The following HOXB3 variants were observed in gnomAD, a reference collection of about 807,000 sequenced individuals.
HOXB3 encodes homeobox B3.
HOXB3 carries 17 observed loss-of-function variants against 29.2 expected under a neutral mutation model. That is an observed-to-expected ratio of 0.58 (90% CI 0.40 to 0.87). HOXB3 has a LOEUF of 0.87. Among genes scored for constraint, HOXB3 ranks in the 40% least tolerant of loss-of-function variants. HOXB3 has a pLI of 0.00. For synonymous variants in HOXB3, 317 were observed against 285.9 expected (o/e 1.11, Z -1.10); for missense variants, 637 against 616.3 (o/e 1.03, Z -0.35).
At chr17:48,555,976 G>GAC (rs906784807) in intron 2 of HOXB3, among the ~76,000 whole-genome samples, 123 of 151,348 alleles carry the variant, frequency 8.1e-4, no homozygotes, top group African/African-American at 2.7e-3. Context: ...AAACCACACA[G>GAC]ACACACACAC....
intron 2 of HOXB3, among the ~76,000 whole-genome samples, chr17:48,567,186 T>C (rs1438400283): frequency 6.6e-6 from 1 of 152,184 alleles, no homozygotes; most frequent in Non-Finnish European, 1.5e-5. Context: ...GAGAATCCCT[T>C]GTTAACATGG....
intron 1 of HOXB3, among the ~76,000 whole-genome samples, chr17:48,589,799 A>G (rs1191884083): frequency 1.3e-5 from 2 of 152,068 alleles, no homozygotes; most frequent in Non-Finnish European, 2.9e-5. Flanking sequence ...GCCCCCACCA[A>G]TGGCCCCTTC....
Position 48,576,751 on chromosome 17 carries a change from G to A in HOXB3, c.-424-2737C>T, listed in dbSNP as rs767904414. 5.7e-6 allele frequency: 9 copies of A among 1,590,202 alleles called. No individual in the cohort carries two copies. Among genetic ancestry groups the A allele is most frequent in the Admixed American group, 1.7e-5 (1 of 59,098 alleles). On this transcript the variant is annotated intron_variant, in intron 1 of 4. Transcript: ENST00000498678. The stretch of plus-strand genomic sequence containing the variant: ...AGCGCGCGGGGGCCTCCATTGGGCC[G>A]GCCAGGGGGCCCTCCGGCTGAGCCT...
intron 2 of HOXB3, among the ~76,000 whole-genome samples, chr17:48,564,883 C>T (rs2069337120): frequency 1.3e-5 from 2 of 152,176 alleles, no homozygotes; most frequent in South Asian, 2.1e-4. Flanking sequence ...TTTGCATCTC[C>T]CCTTTTCCCT....
intron 2 of HOXB3, among the ~76,000 whole-genome samples, chr17:48,563,661 T>C (rs1360425681): frequency 6.6e-6 from 1 of 152,180 alleles, no homozygotes; most frequent in Non-Finnish European, 1.5e-5. Flanking sequence ...TGGTTTTTGG[T>C]TTCCAGAGCA....
At chr17:48,572,672 A>T (rs1048664343) in intron 2 of HOXB3, among the ~76,000 whole-genome samples, 1 of 152,116 alleles carries the variant, frequency 6.6e-6, no homozygotes, top group Non-Finnish European at 1.5e-5. Context: ...TCGTCCCCCA[A>T]CTGGACCCTT....
At chr17:48,567,059 T>C (rs568342876) in intron 2 of HOXB3, among the ~76,000 whole-genome samples, 1 of 152,306 alleles carries the variant, frequency 6.6e-6, no homozygotes, top group South Asian at 2.1e-4. Flanking sequence ...CTAGTTCTTT[T>C]TATCCAGGTC....
At chr17:48,578,395 C>T in intron 1 of HOXB3, 4 of 1,524,104 alleles carry the variant, frequency 2.6e-6, no homozygotes, top group Non-Finnish European at 2.6e-6. Context: ...TTCCGAAAGC[C>T]CTCCTACTTA....
At chr17:48,576,716 G>A (rs754884797) in intron 1 of HOXB3, 1 of 1,591,288 alleles carries the variant, frequency 6.3e-7, no homozygotes, top group Non-Finnish European at 8.6e-7. Flanking sequence ...CCCGCGTGCG[G>A]GGGCACTAGA....
chr17:48,578,401 A>G (rs1280487040), intron 1 of HOXB3: 1 of 1,505,998 alleles, frequency 6.6e-7, no homozygotes, highest in East Asian at 2.6e-5. Context: ...AAGCCCTCCT[A>G]CTTACTGTCA....
At chr17:48,586,616 T>C (rs1223430322) in intron 1 of HOXB3, among the ~76,000 whole-genome samples, 1 of 152,236 alleles carries the variant, frequency 6.6e-6, no homozygotes, top group Non-Finnish European at 1.5e-5. Context: ...AACTCCATTA[T>C]ATTGTTAAAA....
intron 2 of HOXB3, among the ~76,000 whole-genome samples, chr17:48,562,526 T>C (rs2069234587): frequency 6.6e-6 from 1 of 152,208 alleles, no homozygotes; most frequent in Non-Finnish European, 1.5e-5. Context: ...TTGGGAAATG[T>C]GTAATCTACC....
chr17:48,550,355 C>T lies in HOXB3; in HGVS notation c.1275G>A (p.Ala425=), dbSNP rs745605628. Reference sequence around the variant, plus strand: ...CCCATCACAGGTGTGTTAATTTGGGCGCTTCTTGGATTCTACCCTGAGGAG... The same window carrying T: ...CCCATCACAGGTGTGTTAATTTGGGTGCTTCTTGGATTCTACCCTGAGGAG... ...APPPQGRIQE[A]PKLTHL Residue 425 remains alanine, a synonymous_variant, in exon 5 of 5, where the codon GCG becomes GCA. Transcript: ENST00000498678. 24 of 1,613,902 alleles carry T rather than the reference C, an allele frequency of 1.5e-5. No individual in the cohort carries two copies. Among genetic ancestry groups the T allele is most frequent in the East Asian group, 2.2e-5 (1 of 44,878 alleles).
intron 1 of HOXB3, chr17:48,577,966 CG>C (rs1323181055): frequency 7.7e-7 from 1 of 1,294,782 alleles, no homozygotes. Flanking sequence ...AGGGAGGCGG[CG>C]GGGGGCTGCT....
chr17:48,558,291 G>C (rs532405144), intron 2 of HOXB3, among the ~76,000 whole-genome samples: 1 of 152,228 alleles, frequency 6.6e-6, no homozygotes, highest in African/African-American at 2.4e-5. Flanking sequence ...GACAACAGCA[G>C]ACCCCTCCCT....
intron 1 of HOXB3, 95 bp from the exon 2 acceptor site, chr17:48,574,109 G>A (rs992740449): frequency 1.9e-6 from 1 of 531,050 alleles, no homozygotes; most frequent in Admixed American, 3.6e-5. Context: ...CTTAGCTCTT[G>A]TCTACACAGA....
intron 2 of HOXB3, among the ~76,000 whole-genome samples, chr17:48,567,686 A>AC (rs2069435389): frequency 6.6e-6 from 1 of 152,174 alleles, no homozygotes; most frequent in African/African-American, 2.4e-5. Context: ...AACACACCCA[A>AC]CATCCTCCAA....
intron 1 of HOXB3, among the ~76,000 whole-genome samples, chr17:48,586,754 G>A (rs2070054926): frequency 6.6e-6 from 1 of 152,126 alleles, no homozygotes; most frequent in Non-Finnish European, 1.5e-5. Context: ...TTTGGAGGGA[G>A]GGATAGGAGA....
intron 2 of HOXB3, among the ~76,000 whole-genome samples, chr17:48,558,939 G>T (rs1272913313): frequency 6.6e-6 from 1 of 151,952 alleles, no homozygotes; most frequent in African/African-American, 2.4e-5. Context: ...GTGTGTGTGT[G>T]TGAGAGAGAG....
Sources: gnomAD v4.1 joint callset for allele counts (sites outside exome capture counted in the v4.1 genomes callset) on GRCh38, gnomAD v4.1.1 for gene constraint, MANE v1.5 for transcripts, NCBI Gene and HGNC (gene_info 2026-07-23, HGNC 2026-07-21) for gene names.